PCDHGA2: variants seen among roughly 807,000 people sequenced by gnomAD.
PCDHGA2 encodes the protein protocadherin gamma-A2.
PCDHGA2 carries 40 observed loss-of-function variants against 59.2 expected under a neutral mutation model. The ratio of observed to expected loss-of-function variants is 0.68; its 90% CI spans 0.52 to 0.88. The LOEUF is 0.88. Among genes scored for constraint, PCDHGA2 ranks in the 40% least tolerant of loss-of-function variants. PCDHGA2 has a pLI of 0.00. For missense variants in PCDHGA2, 1,226 were observed against 1,204.0 expected, an observed-to-expected ratio of 1.02 and a Z score of -0.27; for synonymous variants, 560 against 526.0, an observed-to-expected ratio of 1.06 and a Z score of -0.89.
intron 1 of PCDHGA2, among the ~76,000 whole-genome samples, chr5:141,459,334 A>G (rs987526492): frequency 5.9e-5 from 9 of 152,116 alleles, no homozygotes; most frequent in Admixed American, 1.3e-4. Flanking sequence ...TTTTACTCCA[A>G]AGTTCTTGAA....
At chr5:141,505,044 C>G (rs1446394128) in intron 2 of PCDHGA2, among the ~76,000 whole-genome samples, 3 of 152,156 alleles carry the variant, frequency 2.0e-5, no homozygotes, top group African/African-American at 7.2e-5. Context: ...TGCCTGTCAT[C>G]CCAGCTACTT....
intron 1 of PCDHGA2, chr5:141,439,807 G>A (rs2098132839): frequency 6.6e-6 from 1 of 152,336 alleles, no homozygotes; most frequent in African/African-American, 2.4e-5. Context: ...AGTTTGAAAA[G>A]GGGCTTATTT....
intron 1 of PCDHGA2, chr5:141,404,885 G>C: frequency 1.2e-6 from 2 of 1,613,906 alleles, no homozygotes; most frequent in Non-Finnish European, 1.7e-6. Context: ...CCTTGTGGTG[G>C]CTGTACAGGA....
At chr5:141,470,602 G>A (rs1004044883) in intron 1 of PCDHGA2, among the ~76,000 whole-genome samples, 1 of 152,268 alleles carries the variant, frequency 6.6e-6, no homozygotes, top group South Asian at 2.1e-4. Flanking sequence ...ACCTGTGCGG[G>A]GACACAGGGC....
At chr5:141,364,712 G>T in intron 1 of PCDHGA2, 1 of 1,613,952 alleles carries the variant, frequency 6.2e-7, no homozygotes, top group Middle Eastern at 1.6e-4. Flanking sequence ...CGATATTAAT[G>T]ATAACTTCCC....
In PCDHGA2 at chr5:141,374,497, G is replaced by A. The variant is rs778938878; in HGVS notation, c.2424+33102G>A. On this transcript the variant is annotated intron_variant, in intron 1 of 3. Coordinates refer to ENST00000394576, the MANE Select transcript of PCDHGA2 (RefSeq NM_018915.4). ...CACCCCGATTCTTAAAGGAAGAATT[G>A]GAAGTGAAAATTCTCGAAAACGCAG... 7.4e-6 allele frequency: 12 copies of A among 1,611,444 alleles called. No homozygotes were observed. The Admixed American group carries it at 1.2e-4, about 16-fold the overall frequency.
At chr5:141,384,254 T>A in intron 1 of PCDHGA2, 3 of 1,613,674 alleles carry the variant, frequency 1.9e-6, no homozygotes, top group Non-Finnish European at 2.5e-6. Context: ...CCACCCACCT[T>A]CCCCCACTCA....
At chr5:141,437,939 T>C (rs1055613655) in intron 1 of PCDHGA2, among the ~76,000 whole-genome samples, 3 of 152,152 alleles carry the variant, frequency 2.0e-5, no homozygotes, top group African/African-American at 7.2e-5. Flanking sequence ...GGTTTCACCA[T>C]ATTGGCCAGA....
intron 1 of PCDHGA2, chr5:141,478,282 G>A: frequency 6.2e-7 from 1 of 1,614,184 alleles, no homozygotes; most frequent in Non-Finnish European, 8.5e-7. Flanking sequence ...AGTGGAAGCA[G>A]TCTAGAGACC....
At chr5:141,463,581 T>TG (rs2099064477) in intron 1 of PCDHGA2, among the ~76,000 whole-genome samples, 1 of 151,502 alleles carries the variant, frequency 6.6e-6, no homozygotes, top group Non-Finnish European at 1.5e-5. Context: ...CCCGAGTAGC[T>TG]GGGACTACAG....
chr5:141,486,399 C>G lies in PCDHGA2; in HGVS notation c.2425-8408C>G. On this transcript the variant is annotated intron_variant, in intron 1 of 3. Transcript: ENST00000394576. The surrounding 1 kb of genome is among the most constrained non-coding windows in gnomAD (Gnocchi z 5.0). ...TTCAGGAACCAGTTCTCCCTGGTGA[C>G]TGCTGGACCCTTGGATCGAGAGGCC... The G allele has an allele frequency of 6.2e-7, 1 of 1,614,188 alleles. No individual in the cohort carries two copies. The highest frequency in any genetic ancestry group is 1.1e-5 in the South Asian group (1 of 91,090).
chr5:141,413,809 C>G, intron 1 of PCDHGA2: 1 of 1,613,188 alleles, frequency 6.2e-7, no homozygotes. Flanking sequence ...AGAGGCCATT[C>G]ACCACCTGGT....
intron 2 of PCDHGA2, 143 bp from the exon 3 acceptor site, chr5:141,505,250 T>C: frequency 2.8e-6 from 4 of 1,439,476 alleles, no homozygotes; most frequent in Non-Finnish European, 9.3e-7. Flanking sequence ...ATTGTAGAAG[T>C]GCCTCCTACC....
Position 141,490,602 on chromosome 5 carries a change from C to G in PCDHGA2, c.2425-4205C>G, listed in dbSNP as rs1249440194. On this transcript the variant is annotated intron_variant, in intron 1 of 3. Transcript: ENST00000394576. This position sits in a 1 kb window ranked among gnomAD's most constrained non-coding sequence, Gnocchi z 5.4. Reference sequence around the variant, plus strand: ...ATGTCAATGACAATGCACCCCGCTTCAACCAGCAGCTTTACACTGCTTACA... The same window carrying G: ...ATGTCAATGACAATGCACCCCGCTTGAACCAGCAGCTTTACACTGCTTACA... The G allele has an allele frequency of 6.2e-7, 1 of 1,614,084 alleles. No individual in the cohort carries two copies. Among genetic ancestry groups the G allele is most frequent in the African/African-American group, 1.3e-5 (1 of 74,930 alleles).
chr5:141,360,365 T>C, intron 1 of PCDHGA2: 1 of 1,613,840 alleles, frequency 6.2e-7, no homozygotes, highest in Non-Finnish European at 8.5e-7. Flanking sequence ...TATTTCACAG[T>C]AAACCCAGAA....
At chr5:141,408,303 G>A in intron 1 of PCDHGA2, 3 of 1,613,794 alleles carry the variant, frequency 1.9e-6, no homozygotes, top group Non-Finnish European at 2.5e-6. Flanking sequence ...GAGCCGATCC[G>A]CTACTCGATT....
chr5:141,507,012 G>A (rs2099857902), intron 3 of PCDHGA2: 1 of 152,208 alleles, frequency 6.6e-6, no homozygotes, highest in Admixed American at 6.5e-5. Flanking sequence ...AGAGAACCGA[G>A]AAGGCACTTG....
intron 1 of PCDHGA2, chr5:141,404,321 T>C (rs764642673): frequency 1.2e-6 from 2 of 1,613,882 alleles, no homozygotes; most frequent in East Asian, 2.2e-5. Flanking sequence ...TCAAGCCTCC[T>C]ACTCAGTCTA....
chr5:141,495,873 C>G (rs2099764359), intron 2 of PCDHGA2, among the ~76,000 whole-genome samples: 1 of 152,146 alleles, frequency 6.6e-6, no homozygotes, highest in Admixed American at 6.6e-5. Flanking sequence ...CTGCTTTCCT[C>G]TCTGTTCTTT....
Sources: allele counts gnomAD v4.1 joint callset (sites outside exome capture counted in the v4.1 genomes callset), GRCh38; gene constraint gnomAD v4.1.1; non-coding constraint Gnocchi (gnomAD v3.1); transcripts MANE v1.5; gene names NCBI Gene and HGNC (gene_info 2026-07-23, HGNC 2026-07-21).